Variants in TUBGCP5 observed in about 807,000 individuals in gnomAD.
The protein encoded by TUBGCP5 is gamma-tubulin complex component 5.
Under a neutral mutation model 134.7 loss-of-function variants are expected in TUBGCP5, and 98 were observed. That is an observed-to-expected ratio of 0.73 (90% confidence interval 0.62 to 0.86). The LOEUF (loss-of-function observed/expected upper bound fraction) is 0.86. Among genes scored for constraint, TUBGCP5 ranks in the 40% least tolerant of loss-of-function variants. The pLI, the probability that TUBGCP5 is intolerant of heterozygous loss-of-function variation, is 0.00. For missense variants in TUBGCP5, 1,150 were observed against 1,244.8 expected, an observed-to-expected ratio of 0.92 and a Z score of 1.15; for synonymous variants, 456 against 431.4, an observed-to-expected ratio of 1.06 and a Z score of -0.71.
chr15:23,037,039 A>T, intron 2 of TUBGCP5, 34 bp from the exon 3 acceptor site: 1 of 1,595,246 alleles, frequency 6.3e-7, no homozygotes. Context: ...AAGCTATCTT[A>T]AAAAGATCTA....
rs758417557 is a variant in TUBGCP5 at position 23,039,427 on chromosome 15, G to A, written c.117C>T (p.Leu39=). The A allele has an allele frequency of 1.7e-5, 26 of 1,527,956 alleles. No homozygotes were observed. The highest frequency in any genetic ancestry group is 1.9e-5 in the Non-Finnish European group (22 of 1,132,132). 94.6% of individuals were successfully genotyped at this position (1,527,956 alleles called of 1,614,324 possible). ...LQDEADPNFQ[L]ALNFAWSNFR... Reference sequence around the variant, plus strand: ...AGTTGGACCAGGCGAAGTTTAGGGCGAGCTGGAAGTTGGGGTCTGCCTCGT... The same window carrying A: ...AGTTGGACCAGGCGAAGTTTAGGGCAAGCTGGAAGTTGGGGTCTGCCTCGT... The change falls in exon 1 of 23, where the codon CTC becomes CTT. Residue 39 remains leucine, a synonymous_variant. Coordinates refer to ENST00000615383, the MANE Select transcript of TUBGCP5 (RefSeq NM_052903.6).
At chr15:23,029,731 A>G (rs1025464116) in intron 6 of TUBGCP5, among the ~76,000 whole-genome samples, 4 of 152,046 alleles carry the variant, frequency 2.6e-5, no homozygotes, top group Non-Finnish European at 4.4e-5. Context: ...TAAAAATACA[A>G]AAATTAGCTG....
chr15:22,989,077 A>T (rs1434577619), intron 23 of TUBGCP5, among the ~76,000 whole-genome samples: 1 of 151,606 alleles, frequency 6.6e-6, no homozygotes, highest in African/African-American at 2.4e-5. Context: ...CCCCTCTTCC[A>T]CCTTTAGGAG....
chr15:23,022,096 G>A lies in TUBGCP5; in HGVS notation c.1234C>T (p.Leu412=). 6.2e-7 allele frequency: 1 copy of A among 1,614,190 alleles called. No homozygotes were observed. The highest frequency in any genetic ancestry group is 8.5e-7 in the Non-Finnish European group (1 of 1,180,042). ...ACTCCAGTACTAAACACTTTGTGCA[G>A]AACCTTGAGCTGAGACAATCGAGGT... ...LAPRLSQLKV[L]HKVFSTGVAE... is the part of the protein sequence containing the mutation. The change falls in exon 11 of 23, where the codon CTG becomes TTG. Residue 412 remains leucine (L), a synonymous_variant. Transcript: ENST00000615383.
intron 6 of TUBGCP5, among the ~76,000 whole-genome samples, chr15:23,030,621 G>GAAAAAAAA (rs2066254733): frequency 2.6e-5 from 3 of 116,916 alleles, no homozygotes; most frequent in African/African-American, 6.8e-5. Flanking sequence ...AAAAAAAAAG[G>GAAAAAAAA]AAACATTTAC....
At chr15:22,996,062 T>A (rs532763884), downstream of TUBGCP5, among the ~76,000 whole-genome samples, 62 of 152,362 alleles carry the variant, frequency 4.1e-4, no homozygotes, top group Admixed American at 1.0e-3. Context: ...TTAGCTCTTA[T>A]GAATATTCAG....
chr15:22,983,382 G>A (rs1197817861), exon 24 of TUBGCP5: 1 of 152,132 alleles, frequency 6.6e-6, no homozygotes, highest in Non-Finnish European at 1.5e-5. Flanking sequence ...TGTCTGAAAG[G>A]ACAGATAGTA....
intron 23 of TUBGCP5, among the ~76,000 whole-genome samples, chr15:22,988,951 A>G (rs550806104): frequency 3.3e-4 from 50 of 151,524 alleles, no homozygotes; most frequent in Non-Finnish European, 6.8e-4. Flanking sequence ...TGTAGAGGCC[A>G]CTCACATTCC....
chr15:23,021,500 A>T (rs1330748064), intron 11 of TUBGCP5, among the ~76,000 whole-genome samples: 1 of 152,124 alleles, frequency 6.6e-6, no homozygotes, highest in East Asian at 1.9e-4. Flanking sequence ...TTTTAAGTTC[A>T]GAGGTTTTAA....
At chr15:23,003,615 A>G (rs1402977410) in intron 20 of TUBGCP5, among the ~76,000 whole-genome samples, 1 of 144,976 alleles carries the variant, frequency 6.9e-6, no homozygotes, top group Non-Finnish European at 1.5e-5. Flanking sequence ...TTCTACGAAT[A>G]GGGCACTCCT....
chr15:22,993,988 A>C (rs1160553288), intron 23 of TUBGCP5, among the ~76,000 whole-genome samples: 1 of 151,562 alleles, frequency 6.6e-6, no homozygotes, highest in Non-Finnish European at 1.5e-5. Context: ...TGATGTCAAA[A>C]AGATTAATAA....
rs1248277159 is a variant in TUBGCP5 at position 23,011,631 on chromosome 15, A to G, written c.1757-300T>C. Among the ~76,000 whole-genome samples the G allele has an allele frequency of 2.7e-5, 4 of 149,300 alleles. No homozygotes were observed. In the South Asian group the frequency reaches 6.3e-4, roughly 23 times the overall value. ...ACAATTCTCCTGCCTCAGCCTCCCAAGTAGCTGGGATTACAGGCATGTGCC... is the reference window on the plus strand; with the variant it reads ...ACAATTCTCCTGCCTCAGCCTCCCAGGTAGCTGGGATTACAGGCATGTGCC... On this transcript the variant is annotated intron_variant, in intron 13 of 22. Transcript: ENST00000615383.
At chr15:23,031,823 TG>T in intron 5 of TUBGCP5, 126 bp downstream of exon 5, 1 of 565,884 alleles carries the variant, frequency 1.8e-6, no homozygotes, top group East Asian at 3.0e-5. Flanking sequence ...CCATAATAAA[TG>T]ACTCTAGCTT....
intron 16 of TUBGCP5, chr15:23,008,447 CAG>C (rs1228408457): frequency 4.4e-6 from 2 of 459,102 alleles, no homozygotes; most frequent in South Asian, 2.1e-5. Context: ...TTAGTAGAGA[CAG>C]AGTTTCACCA....
At chr15:23,008,026 T>G (rs961481762) in intron 16 of TUBGCP5, among the ~76,000 whole-genome samples, 3 of 152,106 alleles carry the variant, frequency 2.0e-5, no homozygotes, top group Non-Finnish European at 2.9e-5. Flanking sequence ...ACTCCAGCCA[T>G]GTGAAGGAGG....
At chr15:23,012,688 A>G (rs1355390067) in intron 13 of TUBGCP5, among the ~76,000 whole-genome samples, 2 of 152,156 alleles carry the variant, frequency 1.3e-5, no homozygotes, top group African/African-American at 4.8e-5. Context: ...TTACAGCATA[A>G]AACTTTGAAT....
chr15:23,027,159 T>C, intron 7 of TUBGCP5, 33 bp downstream of exon 7: 1 of 1,494,036 alleles, frequency 6.7e-7, no homozygotes, highest in Non-Finnish European at 9.2e-7. Flanking sequence ...GTTTCTTCTA[T>C]CATCACATTA....
At chr15:23,033,865 T>A (rs2066443822) in intron 3 of TUBGCP5, among the ~76,000 whole-genome samples, 2 of 152,208 alleles carry the variant, frequency 1.3e-5, no homozygotes, top group Non-Finnish European at 2.9e-5. Flanking sequence ...TTATTGGGTA[T>A]TACTCTCCTC....
At chr15:23,011,085 ACAAAT>A in intron 14 of TUBGCP5, 43 bp downstream of exon 14, 2 of 1,586,468 alleles carry the variant, frequency 1.3e-6, no homozygotes, top group Non-Finnish European at 1.7e-6. Flanking sequence ...CAAACATTGC[ACAAAT>A]GATGCCATTT....
Sources: gnomAD v4.1 joint callset for allele counts (sites outside exome capture counted in the v4.1 genomes callset) on GRCh38, gnomAD v4.1.1 for gene constraint, MANE v1.5 for transcripts, NCBI Gene and HGNC (gene_info 2026-07-23, HGNC 2026-07-21) for gene names.